The following HYDIN variants were observed in gnomAD, a reference collection of about 807,000 sequenced individuals.
HYDIN encodes the protein HYDIN axonemal central pair apparatus protein.
In HYDIN, 132 loss-of-function variants were observed where a neutral mutation model predicts 403.9. That is an observed-to-expected ratio of 0.33 (90% CI 0.28 to 0.38). The LOEUF is 0.38. Among genes scored for constraint, HYDIN ranks in the 10% least tolerant of loss-of-function variants. The pLI, the probability that HYDIN is intolerant of heterozygous loss-of-function variation, is 1.00. For synonymous variants in HYDIN, 1,202 were observed against 1,891.7 expected (o/e 0.64, Z 9.46); for missense variants, 2,827 against 5,009.5 (o/e 0.56, Z 13.15).
At position 70,959,755 on chromosome 16, in the gene HYDIN, C is replaced by T; in HGVS notation, c.6034G>A (p.Val2012Met). The change falls in exon 39 of 86, where the codon GTG becomes ATG. Residue 2012 changes from valine to methionine, a missense_variant. Val to Met is a conservative substitution (Grantham distance 21). Coordinates refer to ENST00000393567, the MANE Select transcript of HYDIN (RefSeq NM_001270974.2). ...EEVGEVENNP[V>M]SKAIARHLGI... is the part of the protein sequence containing the mutation. ...AGGTGGCGAGCGATTGCTTTGCTCACTGGGTTGTTTTCCACCTCTCCAACT... is the reference window on the plus strand; with the variant it reads ...AGGTGGCGAGCGATTGCTTTGCTCATTGGGTTGTTTTCCACCTCTCCAACT... The T allele has an allele frequency of 1.0e-6, 1 of 977,864 alleles. No individual in the cohort carries two copies. The highest frequency in any genetic ancestry group is 1.5e-6 in the Non-Finnish European group (1 of 673,370). The allele number at this position is 977,864 out of a possible 1,614,324, so 60.6% of individuals were successfully genotyped here.
At chr16:70,862,634 T>C (rs9936165) in intron 68 of HYDIN, among the ~76,000 whole-genome samples, 2,038 of 90,446 alleles carry the variant, frequency 0.023, 91 homozygotes, top group African/African-American at 0.088. Flanking sequence ...GGTCTGTGCA[T>C]CTCCAAAGTT....
At chr16:71,133,396 C>T (rs986105155) in intron 8 of HYDIN, 8 of 375,578 alleles carry the variant, frequency 2.1e-5, no homozygotes, top group Admixed American at 7.4e-5. Context: ...CGTAAATCTT[C>T]GGATTTTTGT....
intron 1 of HYDIN, among the ~76,000 whole-genome samples, chr16:71,221,815 T>G: frequency 6.6e-6 from 1 of 152,214 alleles, no homozygotes; most frequent in East Asian, 1.9e-4. Flanking sequence ...AGCTGCCTCC[T>G]TACATATTTT....
At chr16:71,111,895 T>TA (rs1289042567) in intron 10 of HYDIN, among the ~76,000 whole-genome samples, 2 of 131,994 alleles carry the variant, frequency 1.5e-5, no homozygotes, top group Non-Finnish European at 3.2e-5. Flanking sequence ...AAAGACACAA[T>TA]AAAATTTCTT....
At chr16:70,848,095 T>A (rs2038346365) in intron 75 of HYDIN, among the ~76,000 whole-genome samples, 1 of 142,976 alleles carries the variant, frequency 7.0e-6, no homozygotes, top group Non-Finnish European at 1.5e-5. Flanking sequence ...TCTTTTACCA[T>A]AACAAATCTG....
chr16:71,219,307 T>TA (rs557039470), intron 1 of HYDIN, among the ~76,000 whole-genome samples: 311 of 149,546 alleles, frequency 2.1e-3, no homozygotes, highest in South Asian at 4.0e-3. Context: ...GATGCCATTT[T>TA]AAAAAAAAAA....
intron 5 of HYDIN, among the ~76,000 whole-genome samples, chr16:71,174,963 GC>G (rs2086607706): frequency 6.6e-6 from 1 of 151,918 alleles, no homozygotes; most frequent in Non-Finnish European, 1.5e-5. Context: ...ACCAATTAAG[GC>G]CCCAAACTTC....
chr16:71,060,020 A>G (rs1454277943), intron 18 of HYDIN, among the ~76,000 whole-genome samples: 1 of 152,218 alleles, frequency 6.6e-6, no homozygotes, highest in East Asian at 1.9e-4. Flanking sequence ...GAAGGAAGAG[A>G]GGAAAAAAAT....
At chr16:70,991,275 G>A in intron 25 of HYDIN, 43 bp downstream of exon 25, 1 of 1,611,940 alleles carries the variant, frequency 6.2e-7, no homozygotes, top group South Asian at 1.1e-5. Flanking sequence ...TTATGGGAAG[G>A]ACCCTTGACC....
chr16:71,158,209 T>C (rs1433861635), intron 6 of HYDIN, among the ~76,000 whole-genome samples: 1 of 152,230 alleles, frequency 6.6e-6, no homozygotes, highest in East Asian at 1.9e-4. Context: ...GGTTTTGATG[T>C]TAACTTACTG....
intron 64 of HYDIN, among the ~76,000 whole-genome samples, chr16:70,872,862 C>T (rs1597183911): frequency 6.6e-6 from 1 of 151,300 alleles, no homozygotes; most frequent in Non-Finnish European, 1.5e-5. Context: ...CCCATCCATC[C>T]ATCCATCATC....
intron 18 of HYDIN, among the ~76,000 whole-genome samples, chr16:71,059,020 A>T (rs910263944): frequency 1.4e-4 from 22 of 152,254 alleles, no homozygotes; most frequent in African/African-American, 5.1e-4. Context: ...GATACATATA[A>T]CATAGAAAAT....
intron 43 of HYDIN, 136 bp from the exon 44 acceptor site, chr16:70,938,891 TG>T (rs1218113468): frequency 2.5e-5 from 16 of 649,006 alleles, no homozygotes; most frequent in Middle Eastern, 7.2e-4. Flanking sequence ...ATTGCAGGGG[TG>T]GGGGGGTCCC....
At chr16:70,972,998 AG>A (rs2078776185) in intron 35 of HYDIN, among the ~76,000 whole-genome samples, 1 of 152,242 alleles carries the variant, frequency 6.6e-6, no homozygotes, top group Non-Finnish European at 1.5e-5. Flanking sequence ...AATTTCAATA[AG>A]GACTTCTGAT....
chr16:70,816,066 G>A (rs548079356), intron 84 of HYDIN, among the ~76,000 whole-genome samples: 1 of 152,166 alleles, frequency 6.6e-6, no homozygotes, highest in African/African-American at 2.4e-5. Context: ...CTGAGATTGC[G>A]CCACTGCACT....
intron 12 of HYDIN, among the ~76,000 whole-genome samples, chr16:71,082,985 T>C (rs2082829849): frequency 6.6e-6 from 1 of 151,454 alleles, no homozygotes; most frequent in Admixed American, 6.6e-5. Flanking sequence ...AGAAACCTCA[T>C]GCCCTTTAGC....
At chr16:71,097,373 G>GC (rs2144394623) in intron 10 of HYDIN, among the ~76,000 whole-genome samples, 1 of 115,288 alleles carries the variant, frequency 8.7e-6, no homozygotes, top group South Asian at 3.2e-4. Context: ...GGATAAAGTG[G>GC]CCCCCAAAGT....
chr16:71,168,646 T>A (rs961217212), intron 5 of HYDIN, among the ~76,000 whole-genome samples: 1 of 152,036 alleles, frequency 6.6e-6, no homozygotes, highest in African/African-American at 2.4e-5. Context: ...GTTCCCATCC[T>A]CGATGTCACC....
At chr16:70,961,646 TA>T (rs1232159962) in intron 38 of HYDIN, among the ~76,000 whole-genome samples, 5 of 152,084 alleles carry the variant, frequency 3.3e-5, no homozygotes, top group Admixed American at 6.5e-5. Context: ...CCCATCCCCA[TA>T]ATGTTTCTCT....
Sources: allele counts gnomAD v4.1 joint callset (sites outside exome capture counted in the v4.1 genomes callset), GRCh38; gene constraint gnomAD v4.1.1; transcripts MANE v1.5; gene names NCBI Gene and HGNC (gene_info 2026-07-23, HGNC 2026-07-21).